Variants in RANBP10 observed in about 807,000 individuals in gnomAD.
The protein encoded by RANBP10 is ran-binding protein 10.
Under a neutral mutation model 72.8 loss-of-function variants are expected in RANBP10, and 24 were observed. That is an observed-to-expected ratio of 0.33 (90% CI 0.24 to 0.46). The LOEUF is 0.46. RANBP10 is among the 20% of genes least tolerant of loss of function. The pLI is 1.00. For missense variants in RANBP10, 679 were observed against 817.5 expected, an observed-to-expected ratio of 0.83 and a Z score of 2.07; for synonymous variants, 310 against 322.3, an observed-to-expected ratio of 0.96 and a Z score of 0.41.
intron 2 of RANBP10, among the ~76,000 whole-genome samples, chr16:67,798,297 T>C (rs1026398204): frequency 1.3e-5 from 2 of 151,942 alleles, no homozygotes; most frequent in East Asian, 1.9e-4. Context: ...CCAGATGACA[T>C]ATGAGCACCA....
Position 67,729,754 on chromosome 16 carries a change from G to T in RANBP10, c.1073C>A (p.Ser358Tyr), listed in dbSNP as rs1395482032. The T allele has an allele frequency of 4.3e-6, 7 of 1,614,150 alleles. No homozygotes were observed. The highest frequency in any genetic ancestry group is 5.9e-6 in the Non-Finnish European group (7 of 1,180,030). Residue 358 changes from serine (S) to tyrosine (Y), a missense_variant, in exon 9 of 14, where the codon TCC becomes TAC. By Grantham distance (144) the Ser-to-Tyr change is moderately radical (BLOSUM62 -2). Coordinates refer to ENST00000317506, the MANE Select transcript of RANBP10 (RefSeq NM_020850.3). This position sits in a 1 kb window ranked among gnomAD's most constrained non-coding sequence, Gnocchi z 7.1. ...GGGGGAGCCAGGGTAGCTGTCCTGG[G>T]ACTTGGGGCTTCGGGAGCTCAAACT... ...VRSLSSRSPK[S>Y]QDSYPGSPSL...
At chr16:67,761,477 G>A (rs1269791229) in intron 3 of RANBP10, among the ~76,000 whole-genome samples, 1 of 152,180 alleles carries the variant, frequency 6.6e-6, no homozygotes, top group East Asian at 1.9e-4. Flanking sequence ...TACTAAACAC[G>A]CCTATTCAAA....
intron 4 of RANBP10, 42 bp from the exon 5 acceptor site, chr16:67,738,077 G>T (rs777738686): frequency 6.4e-7 from 1 of 1,557,128 alleles, no homozygotes; most frequent in Admixed American, 1.9e-5. Flanking sequence ...AGCCCCTGGG[G>T]CTACTCTGCC....
At chr16:67,733,558 A>C (rs554214733) in intron 6 of RANBP10, among the ~76,000 whole-genome samples, 1 of 152,240 alleles carries the variant, frequency 6.6e-6, no homozygotes, top group South Asian at 2.1e-4. Flanking sequence ...TAACATAGCC[A>C]TTATCAATAT....
At chr16:67,736,349 T>C (rs2053848161) in intron 5 of RANBP10, among the ~76,000 whole-genome samples, 1 of 152,118 alleles carries the variant, frequency 6.6e-6, no homozygotes, top group African/African-American at 2.4e-5. Flanking sequence ...TTAGCAGAGA[T>C]GGGGTTTCTC....
At chr16:67,760,412 A>T (rs2054373643) in intron 3 of RANBP10, among the ~76,000 whole-genome samples, 1 of 152,218 alleles carries the variant, frequency 6.6e-6, no homozygotes, top group South Asian at 2.1e-4. Flanking sequence ...AGCTGTTTGC[A>T]GAACGTGTCC....
At chr16:67,751,289 A>G (rs2054191192) in intron 3 of RANBP10, among the ~76,000 whole-genome samples, 1 of 152,242 alleles carries the variant, frequency 6.6e-6, no homozygotes, top group Admixed American at 6.5e-5. Flanking sequence ...TAAAATAAGT[A>G]TTTTAAACAC....
At chr16:67,748,268 C>T (rs2143007070) in intron 3 of RANBP10, among the ~76,000 whole-genome samples, 1 of 151,676 alleles carries the variant, frequency 6.6e-6, no homozygotes. Context: ...GCCTATAATC[C>T]CAGCACTTTG....
Position 67,730,190 on chromosome 16 carries a change from A to G in RANBP10, c.890-144T>C. ...ATGCTCACAGGAGAGGAGGCTGGAG[A>G]AAGAACCTGACTGCCCAGCCCAACA... On this transcript the variant is annotated intron_variant, in intron 7 of 13. Transcript: ENST00000317506. This position sits in a 1 kb window ranked among gnomAD's most constrained non-coding sequence, Gnocchi z 4.3. 1.4e-6 allele frequency: 1 copy of G among 689,766 alleles called. No individual in the cohort carries two copies. The highest frequency in any genetic ancestry group is 2.5e-6 in the Non-Finnish European group (1 of 406,490). The allele number at this position is 689,766 out of a possible 1,614,324, so 42.7% of individuals were successfully genotyped here.
chr16:67,782,988 G>A lies in RANBP10; in HGVS notation c.348-10902C>T, dbSNP rs141256639. On this transcript the variant is annotated intron_variant, in intron 2 of 13. Transcript: ENST00000317506. ...ACCCCAGGACATTTCAGTGATGGGG[G>A]ACACATTAGGGAACGTGGCTTTCAC... Among the ~76,000 whole-genome samples the A allele has an allele frequency of 6.1e-3, 929 of 152,006 alleles. 15 individuals are homozygous for A. Among genetic ancestry groups the A allele is most frequent in the African/African-American group, 0.021 (885 of 41,446 alleles).
chr16:67,744,910 G>A (rs2054040264), intron 3 of RANBP10, among the ~76,000 whole-genome samples: 1 of 152,132 alleles, frequency 6.6e-6, no homozygotes, highest in Non-Finnish European at 1.5e-5. Context: ...TGCAAGCCCC[G>A]CCTCCCGGGT....
intron 2 of RANBP10, among the ~76,000 whole-genome samples, chr16:67,785,867 A>C (rs1282497516): frequency 6.6e-6 from 1 of 151,922 alleles, no homozygotes; most frequent in Non-Finnish European, 1.5e-5. Context: ...TCTACTAAAA[A>C]TACAAAAAAT....
intron 3 of RANBP10, among the ~76,000 whole-genome samples, chr16:67,764,334 T>C (rs897468393): frequency 6.6e-6 from 1 of 152,100 alleles, no homozygotes; most frequent in Non-Finnish European, 1.5e-5. Flanking sequence ...AATTTCTAAG[T>C]TAACCTCTTT....
rs560656221 is a variant in RANBP10 at position 67,725,711 on chromosome 16, G to C, written c.*717C>G. 11 of 152,498 alleles carry C rather than the reference G, an allele frequency of 7.2e-5. No homozygotes were observed. Among genetic ancestry groups the C allele is most frequent in the African/African-American group, 2.6e-4 (11 of 41,544 alleles). 9.4% of individuals were successfully genotyped at this position (152,498 alleles called of 1,614,324 possible). A position where few individuals can be genotyped will look rare whatever the true frequency, so the allele number is the denominator to read the frequency against. On this transcript the variant is annotated 3_prime_UTR_variant, in exon 14 of 14. Coordinates refer to ENST00000317506, the MANE Select transcript of RANBP10 (RefSeq NM_020850.3). The stretch of plus-strand genomic sequence containing the variant: ...GCTCTCAGGGGCCTAGGGATCTACA[G>C]TTCTTGGGATGCTATAAACCAATGT...
At chr16:67,745,365 C>T (rs926267814) in intron 3 of RANBP10, among the ~76,000 whole-genome samples, 1 of 151,766 alleles carries the variant, frequency 6.6e-6, no homozygotes, top group African/African-American at 2.4e-5. Flanking sequence ...GACAGAGTCT[C>T]CCTCTGTCAC....
At chr16:67,782,616 C>G (rs939886935) in intron 2 of RANBP10, among the ~76,000 whole-genome samples, 2 of 151,718 alleles carry the variant, frequency 1.3e-5, no homozygotes, top group Non-Finnish European at 2.9e-5. Flanking sequence ...CCACACCCAG[C>G]TAATTTTTGT....
chr16:67,726,618 G>T (rs764937026), intron 13 of RANBP10, 60 bp from the exon 14 acceptor site: 46 of 1,503,840 alleles, frequency 3.1e-5, no homozygotes, highest in Non-Finnish European at 3.8e-5. Context: ...CCAGGTCAAA[G>T]TTCCCTTGGG....
intron 4 of RANBP10, among the ~76,000 whole-genome samples, chr16:67,740,623 C>T (rs1203807051): frequency 4.6e-5 from 7 of 152,172 alleles, no homozygotes; most frequent in Non-Finnish European, 1.0e-4. Flanking sequence ...CACATGCTTC[C>T]TCTATGCTGG....
chr16:67,778,480 A>G (rs2054751209), intron 2 of RANBP10, among the ~76,000 whole-genome samples: 1 of 152,252 alleles, frequency 6.6e-6, no homozygotes, highest in South Asian at 2.1e-4. Context: ...GCTTCATGAC[A>G]TTGGATTTGG....
Sources: allele counts gnomAD v4.1 joint callset (sites outside exome capture counted in the v4.1 genomes callset), GRCh38; gene constraint gnomAD v4.1.1; non-coding constraint Gnocchi (gnomAD v3.1); transcripts MANE v1.5; gene names NCBI Gene and HGNC (gene_info 2026-07-23, HGNC 2026-07-21).